The following NLGN4X variants were observed in gnomAD, a reference collection of about 807,000 sequenced individuals.
NLGN4X encodes the protein neuroligin 4 X-linked, also known as neuroligin-4, X-linked.
In NLGN4X, 3 loss-of-function variants were observed where a neutral mutation model predicts 40.3. The observed-to-expected ratio is 0.07, with a 90% CI of 0.03 to 0.19. The LOEUF (loss-of-function observed/expected upper bound fraction) is 0.19, where lower values mean the gene tolerates loss of function less well. NLGN4X is among the 10% of genes least tolerant of loss of function. The pLI is 1.00. For missense variants in NLGN4X, 382 were observed against 708.3 expected (o/e 0.54, Z 5.23); for synonymous variants, 270 against 306.8 (o/e 0.88, Z 1.25).
At position 6,226,592 on chromosome X, in the gene NLGN4X, C is replaced by T. The variant is rs41297307; in HGVS notation, c.-306+1949G>A. 1,045 of 111,687 alleles carry T rather than the reference C, an allele frequency of 9.4e-3. 4 individuals are homozygous for T. The highest frequency in any genetic ancestry group is 0.015 in the Non-Finnish European group (784 of 53,249). The allele number at this position is 111,687 out of a possible 1,213,427, so 9.2% of individuals were successfully genotyped here. The stretch of plus-strand genomic sequence containing the variant: ...CCCGGATACCGGGGGCGCAAAGCTT[C>T]GGGTGCGGCCCAGGAGAACCCCGCC... On this transcript the variant is annotated intron_variant, in intron 1 of 5. Coordinates refer to ENST00000381095, the MANE Select transcript of NLGN4X (RefSeq NM_181332.3).
At position 5,986,542 on chromosome X, in the gene NLGN4X, G is replaced by A. The variant is rs1318408303; in HGVS notation, c.625+42738C>T. On this transcript the variant is annotated intron_variant, in intron 3 of 5. Coordinates refer to ENST00000381095, the MANE Select transcript of NLGN4X (RefSeq NM_181332.3). ...AACAAAAATTCCAAAGCACTAATCT[G>A]AAAGAAAATATTGTAAAGTCTATAA... Among the ~76,000 whole-genome samples the A allele has an allele frequency of 2.7e-5, 3 of 111,974 alleles. No homozygotes were observed. In the East Asian group the frequency reaches 8.4e-4, roughly 31 times the overall value.
chrX:5,903,958 G>A (rs2032046151), intron 4 of NLGN4X, 92 bp from the exon 5 acceptor site: 1 of 1,080,506 alleles, frequency 9.3e-7, no homozygotes, highest in African/African-American at 1.8e-5. Flanking sequence ...TTGTCTCTCA[G>A]GCATGTGAGT....
In NLGN4X at chrX:5,915,473, A is replaced by C. The variant is rs773671283; in HGVS notation, c.626-6234T>G. On this transcript the variant is annotated intron_variant, in intron 3 of 5. Coordinates refer to ENST00000381095, the MANE Select transcript of NLGN4X (RefSeq NM_181332.3). ...ATCAAAATCTGAAGATAATTGATAC[A>C]TGAGTTTCATGCAAATGAAAATTTG... Among the ~76,000 whole-genome samples, 4 of 112,600 alleles carry C rather than the reference A, an allele frequency of 3.6e-5. No homozygotes were observed. In the Admixed American group the frequency reaches 3.8e-4, roughly 11 times the overall value.
intron 2 of NLGN4X, among the ~76,000 whole-genome samples, chrX:6,064,193 C>T (rs2037844470): frequency 9.0e-6 from 1 of 110,927 alleles, no homozygotes; most frequent in Non-Finnish European, 1.9e-5. Flanking sequence ...GGTTAGAAGT[C>T]CCAGAGTCCT....
chrX:6,207,044 T>TCTCTCA (rs1556007275), intron 1 of NLGN4X, among the ~76,000 whole-genome samples: 3 of 110,140 alleles, frequency 2.7e-5, no homozygotes, highest in South Asian at 3.9e-4. Flanking sequence ...TCTCTCTCTC[T>TCTCTCA]CACACACACA....
At chrX:6,178,096 T>TTA (rs58889265) in intron 1 of NLGN4X, among the ~76,000 whole-genome samples, 8,201 of 111,255 alleles carry the variant, frequency 0.074, 241 homozygotes, top group East Asian at 0.15. Flanking sequence ...CAGTCTATGG[T>TTA]ATTTCCTTAT....
chrX:6,004,449 T>C (rs1267503657), intron 3 of NLGN4X, among the ~76,000 whole-genome samples: 1 of 112,107 alleles, frequency 8.9e-6, no homozygotes, highest in African/African-American at 3.2e-5. Context: ...AAATGGATAC[T>C]ATTTCTTTTG....
At chrX:6,098,740 G>A (rs770984950) in intron 2 of NLGN4X, among the ~76,000 whole-genome samples, 4 of 111,192 alleles carry the variant, frequency 3.6e-5, no homozygotes, top group East Asian at 2.8e-4. Flanking sequence ...TGGAGTCTTC[G>A]CATGAAAGTC....
chrX:6,130,662 T>A (rs982772772), intron 2 of NLGN4X, among the ~76,000 whole-genome samples: 18 of 113,019 alleles, frequency 1.6e-4, no homozygotes, highest in Admixed American at 9.3e-4. Context: ...ACAAATCAAG[T>A]GCTGTTTCTT....
At chrX:6,039,430 G>A (rs1182467067) in intron 2 of NLGN4X, among the ~76,000 whole-genome samples, 1 of 112,086 alleles carries the variant, frequency 8.9e-6, no homozygotes. Flanking sequence ...CTAACAAGAT[G>A]CAGAGGCTCA....
intron 1 of NLGN4X, among the ~76,000 whole-genome samples, chrX:6,218,022 T>C (rs1434202886): frequency 1.8e-5 from 2 of 112,123 alleles, no homozygotes; most frequent in Non-Finnish European, 3.8e-5. Flanking sequence ...GTCTATCCGT[T>C]CCGCCTAATT....
chrX:6,067,975 GCATT>G (rs2037965812), intron 2 of NLGN4X, among the ~76,000 whole-genome samples: 1 of 111,236 alleles, frequency 9.0e-6, no homozygotes, highest in African/African-American at 3.3e-5. Flanking sequence ...AGGCATTATA[GCATT>G]CTGCCTTCTC....
chrX:6,032,867 T>C (rs931313318), intron 2 of NLGN4X: 3 of 401,812 alleles, frequency 7.5e-6, no homozygotes, highest in Non-Finnish European at 1.2e-5. Context: ...AAGAAAAGAA[T>C]GTAACACAAA....
Position 6,055,867 on chromosome X carries a change from G to A in NLGN4X, c.473-26435C>T, listed in dbSNP as rs1400823215. Among the ~76,000 whole-genome samples, 3 of 111,624 alleles carry A rather than the reference G, an allele frequency of 2.7e-5. No individual in the cohort carries two copies. The Admixed American group carries it at 2.9e-4, about 11-fold the overall frequency. On this transcript the variant is annotated intron_variant, in intron 2 of 5. Coordinates refer to ENST00000381095, the MANE Select transcript of NLGN4X (RefSeq NM_181332.3). ...TACCTTTGAAACTGATGCTGCCAAA[G>A]ATTTGTTGAATTCTTTAATTCATTG...
At chrX:6,022,568 T>C (rs775597408) in intron 3 of NLGN4X, among the ~76,000 whole-genome samples, 20 of 112,013 alleles carry the variant, frequency 1.8e-4, no homozygotes, top group South Asian at 7.5e-4. Flanking sequence ...TAGTGACCCA[T>C]TGAACTCCCA....
At chrX:6,032,692 T>C in intron 2 of NLGN4X, 1 of 1,184,539 alleles carries the variant, frequency 8.4e-7, no homozygotes, top group Non-Finnish European at 1.1e-6. Flanking sequence ...AAAAAATACC[T>C]TCGTCTTCAC....
intron 2 of NLGN4X, among the ~76,000 whole-genome samples, chrX:6,134,705 C>T (rs951485018): frequency 1.8e-5 from 2 of 112,348 alleles, no homozygotes; most frequent in African/African-American, 6.5e-5. Flanking sequence ...CACTTAATGT[C>T]GTAAGGATAT....
At chrX:6,116,084 G>A (rs912922227) in intron 2 of NLGN4X, among the ~76,000 whole-genome samples, 1 of 108,296 alleles carries the variant, frequency 9.2e-6, no homozygotes, top group African/African-American at 3.4e-5. Flanking sequence ...AGGAGGTCAG[G>A]AGATGGAGAC....
intron 2 of NLGN4X, among the ~76,000 whole-genome samples, chrX:6,091,078 G>A (rs969523642): frequency 7.4e-5 from 8 of 108,105 alleles, no homozygotes; most frequent in South Asian, 8.3e-4. Flanking sequence ...GGGAGCAACA[G>A]TGGTAGAGAG....
Sources: gnomAD v4.1 joint callset for allele counts (sites outside exome capture counted in the v4.1 genomes callset) on GRCh38, gnomAD v4.1.1 for gene constraint, MANE v1.5 for transcripts, NCBI Gene and HGNC (gene_info 2026-07-23, HGNC 2026-07-21) for gene names.